The following NBAS variants were observed in gnomAD, a reference collection of about 807,000 sequenced individuals.
NBAS encodes NBAS subunit of NRZ tethering complex.
NBAS carries 219 observed loss-of-function variants against 302.5 expected under a neutral mutation model. The observed-to-expected ratio is 0.72, with a 90% CI of 0.65 to 0.81. The LOEUF (loss-of-function observed/expected upper bound fraction) is 0.81. Ranked by LOEUF, NBAS falls within the 30% of genes least tolerant of loss-of-function variation. The pLI is 0.00. For missense variants in NBAS, 2,932 were observed against 2,841.6 expected (o/e 1.03, Z -0.72); for synonymous variants, 1,118 against 1,021.6 (o/e 1.09, Z -1.80).
At chr2:15,469,835 T>TG (rs995494161) in intron 16 of NBAS, among the ~76,000 whole-genome samples, 456 of 17,670 alleles carry the variant, frequency 0.026, 2 homozygotes, top group African/African-American at 0.088. Context: ...CGGGGCCTGC[T>TG]GGGGGGTGGG....
At chr2:14,949,207 A>G in the NBAS span, among the ~76,000 whole-genome samples, 1 of 152,126 alleles carries the variant, frequency 6.6e-6, no homozygotes, top group Non-Finnish European at 1.5e-5. Flanking sequence ...TAAGATCTCA[A>G]AAGCACAGGT....
chr2:14,923,004 T>C, the NBAS span, among the ~76,000 whole-genome samples: 1 of 151,902 alleles, frequency 6.6e-6, no homozygotes, highest in Non-Finnish European at 1.5e-5. Context: ...TACAAAAAAT[T>C]AGCCGGGCGC....
the NBAS span, among the ~76,000 whole-genome samples, chr2:15,057,095 G>A: frequency 6.6e-6 from 1 of 151,974 alleles, no homozygotes; most frequent in African/African-American, 2.4e-5. Flanking sequence ...CTCCCAAAGT[G>A]GTGGGATTAC....
the NBAS span, among the ~76,000 whole-genome samples, chr2:14,841,819 A>C: frequency 6.6e-6 from 1 of 152,004 alleles, no homozygotes; most frequent in Non-Finnish European, 1.5e-5. Flanking sequence ...TGAAAGTTAA[A>C]CTACACACTA....
the NBAS span, among the ~76,000 whole-genome samples, chr2:14,998,033 C>G: frequency 6.6e-6 from 1 of 152,182 alleles, no homozygotes; most frequent in Non-Finnish European, 1.5e-5. Flanking sequence ...CTATTCTTTA[C>G]ACCCTACCTG....
intron 35 of NBAS, among the ~76,000 whole-genome samples, chr2:15,341,326 C>T (rs1029031989): frequency 1.1e-4 from 16 of 152,016 alleles, no homozygotes; most frequent in African/African-American, 3.6e-4. Context: ...GCGGAGGTTG[C>T]AGTAAGCCAA....
intron 35 of NBAS, among the ~76,000 whole-genome samples, chr2:15,336,453 G>A (rs1357005749): frequency 6.6e-6 from 1 of 152,158 alleles, no homozygotes; most frequent in African/African-American, 2.4e-5. Flanking sequence ...CTCATTTGTG[G>A]TCAGGTGCGG....
the NBAS span, among the ~76,000 whole-genome samples, chr2:14,882,187 T>C: frequency 6.6e-6 from 1 of 152,182 alleles, no homozygotes; most frequent in Non-Finnish European, 1.5e-5. Context: ...ATGGCTCTGA[T>C]TTTAAATCCA....
At chr2:15,149,544 G>T in the NBAS span, among the ~76,000 whole-genome samples, 1 of 152,106 alleles carries the variant, frequency 6.6e-6, no homozygotes, top group Non-Finnish European at 1.5e-5. Flanking sequence ...GGAGTGCAGT[G>T]GCATGATCAC....
Position 15,396,360 on chromosome 2 carries a change from G to A in NBAS, c.3134+53C>T. 5 of 1,421,802 alleles carry A rather than the reference G, an allele frequency of 3.5e-6. No homozygotes were observed. The South Asian group carries it at 5.1e-5, about 14-fold the overall frequency. 88.1% of individuals were successfully genotyped at this position (1,421,802 alleles called of 1,614,324 possible). A position where few individuals can be genotyped will look rare whatever the true frequency, so the allele number is the denominator to read the frequency against. Reference sequence around the variant, plus strand: ...GGCAGACTTAATGTGACATTTCTTGGACAAATTCCCTTAATAAGCATGGAG... The same window carrying A: ...GGCAGACTTAATGTGACATTTCTTGAACAAATTCCCTTAATAAGCATGGAG... On this transcript the variant is annotated intron_variant, in intron 27 of 51. Coordinates refer to ENST00000281513, the MANE Select transcript of NBAS (RefSeq NM_015909.4).
rs539640463 is a variant in NBAS at position 15,368,322 on chromosome 2, C to T, written c.3704-1629G>A. Among the ~76,000 whole-genome samples the T allele has an allele frequency of 1.3e-4, 20 of 151,542 alleles. No homozygotes were observed. The South Asian group carries it at 3.4e-3, about 25-fold the overall frequency. The stretch of plus-strand genomic sequence containing the variant: ...TCAAGCGATTCTTCTGCCTCAGCCT[C>T]CCGAGTAGCTGGGACTACAGGCACG... On this transcript the variant is annotated intron_variant, in intron 31 of 51. Transcript: ENST00000281513.
chr2:15,330,576 A>C (rs747818285), intron 36 of NBAS, 22 bp downstream of exon 36: 1 of 1,613,186 alleles, frequency 6.2e-7, no homozygotes, highest in Non-Finnish European at 8.5e-7. Flanking sequence ...GTTGATTTTA[A>C]AAAGAAAGAT....
intron 48 of NBAS, among the ~76,000 whole-genome samples, chr2:15,207,234 C>T (rs1233066781): frequency 6.6e-6 from 1 of 152,134 alleles, no homozygotes; most frequent in Non-Finnish European, 1.5e-5. Flanking sequence ...TTAATGACTG[C>T]CCTGTTGGGT....
intron 26 of NBAS, chr2:15,397,462 G>A (rs2148417641): frequency 4.0e-6 from 2 of 496,580 alleles, no homozygotes; most frequent in East Asian, 1.1e-4. Context: ...GGGGTTGTGG[G>A]GCAGCACCCG....
At chr2:14,976,416 C>G in the NBAS span, among the ~76,000 whole-genome samples, 2 of 152,142 alleles carry the variant, frequency 1.3e-5, no homozygotes, top group South Asian at 4.1e-4. Context: ...CAAGGTCTAC[C>G]AGAGAATATT....
chr2:15,146,435 G>A, the NBAS span, among the ~76,000 whole-genome samples: 1 of 152,144 alleles, frequency 6.6e-6, no homozygotes, highest in African/African-American at 2.4e-5. Context: ...ATGGACTGCA[G>A]ACGGCTGATA....
chr2:15,048,907 G>A, the NBAS span, among the ~76,000 whole-genome samples: 2 of 152,176 alleles, frequency 1.3e-5, no homozygotes, highest in African/African-American at 4.8e-5. Flanking sequence ...GTCAGTGTGT[G>A]GCAGAGAGAA....
At chr2:15,391,248 A>G (rs1000543615) in intron 28 of NBAS, among the ~76,000 whole-genome samples, 1 of 152,214 alleles carries the variant, frequency 6.6e-6, no homozygotes, top group African/African-American at 2.4e-5. Flanking sequence ...GAAATGTTAG[A>G]AAAAGCAAAC....
intron 35 of NBAS, among the ~76,000 whole-genome samples, chr2:15,346,578 GT>G (rs1673102666): frequency 6.6e-6 from 1 of 152,180 alleles, no homozygotes; most frequent in Non-Finnish European, 1.5e-5. Context: ...TTCGATGATT[GT>G]GGAAGACAGT....
Sources: gnomAD v4.1 joint callset for allele counts (sites outside exome capture counted in the v4.1 genomes callset) on GRCh38, gnomAD v4.1.1 for gene constraint, MANE v1.5 for transcripts, NCBI Gene and HGNC (gene_info 2026-07-23, HGNC 2026-07-21) for gene names.